RPS6KA2: variants seen among roughly 807,000 people sequenced by gnomAD.
The protein encoded by RPS6KA2 is ribosomal protein S6 kinase A2.
Under a neutral mutation model 91.8 loss-of-function variants are expected in RPS6KA2, and 42 were observed. That is an observed-to-expected ratio of 0.46 (90% CI 0.36 to 0.59). The LOEUF (loss-of-function observed/expected upper bound fraction) is 0.59, where lower values mean the gene tolerates loss of function less well. Ranked by LOEUF, RPS6KA2 falls within the 20% of genes least tolerant of loss-of-function variation. RPS6KA2 has a pLI of 0.00. For missense variants in RPS6KA2, 798 were observed against 978.5 expected, an observed-to-expected ratio of 0.82 and a Z score of 2.46; for synonymous variants, 414 against 393.6, an observed-to-expected ratio of 1.05 and a Z score of -0.61.
chr6:166,682,415 C>T (rs1011883167), intron 2 of RPS6KA2, among the ~76,000 whole-genome samples: 33 of 152,128 alleles, frequency 2.2e-4, no homozygotes, highest in African/African-American at 7.2e-4. Context: ...CCTACTTCAT[C>T]GGAGCCTAGA....
chr6:166,663,264 AC>A (rs1788210341), intron 2 of RPS6KA2, among the ~76,000 whole-genome samples: 1 of 152,170 alleles, frequency 6.6e-6, no homozygotes, highest in African/African-American at 2.4e-5. Flanking sequence ...GAAAATCTTC[AC>A]TCAGGTCAGC....
chr6:166,723,690 T>C (rs970356131), intron 2 of RPS6KA2, among the ~76,000 whole-genome samples: 10 of 143,352 alleles, frequency 7.0e-5, no homozygotes, highest in Non-Finnish European at 1.3e-4. Context: ...CTTTTTCTTT[T>C]TTTCTTTTCT....
At chr6:166,507,891 C>A (rs1782304345) in intron 5 of RPS6KA2, among the ~76,000 whole-genome samples, 1 of 147,652 alleles carries the variant, frequency 6.8e-6, no homozygotes, top group Non-Finnish European at 1.5e-5. Context: ...CACCCCCCCA[C>A]ACACGCACTC....
At chr6:166,526,076 C>T (rs576928848) in intron 3 of RPS6KA2, among the ~76,000 whole-genome samples, 63 of 151,654 alleles carry the variant, frequency 4.2e-4, no homozygotes, top group South Asian at 8.5e-4. Context: ...GGCCTCCTCT[C>T]CACATAACTC....
chr6:166,516,267 G>A (rs1463254680), intron 3 of RPS6KA2, among the ~76,000 whole-genome samples: 1 of 152,230 alleles, frequency 6.6e-6, no homozygotes, highest in African/African-American at 2.4e-5. Flanking sequence ...GTTTCAGGGA[G>A]TTGATGAAAG....
rs1420868853 is a variant in RPS6KA2 at position 166,500,433 on chromosome 6, GAGA to G, written c.604+451_604+453del. Among the ~76,000 whole-genome samples, 1 of 152,204 alleles carries G rather than the reference GAGA, an allele frequency of 6.6e-6. No homozygotes were observed. Among genetic ancestry groups the G allele is most frequent in the African/African-American group, 2.4e-5 (1 of 41,434 alleles). Reference sequence around the variant, plus strand: ...TGGCCACCACCACGGTCCAGGGAGTGAGAAGGAGGCAGGGACAGCATCAGTGAG... The same window carrying G: ...TGGCCACCACCACGGTCCAGGGAGTGAGGAGGCAGGGACAGCATCAGTGAG... On this transcript the variant is annotated intron_variant, in intron 7 of 20. Transcript: ENST00000265678. The surrounding 1 kb of genome is among the most constrained non-coding windows in gnomAD (Gnocchi z 4.3).
Position 166,646,645 on chromosome 6 carries a change from C to G in RPS6KA2, c.124-107861G>C, listed in dbSNP as rs139104271. Reference sequence around the variant, plus strand: ...GGCCCTTCTGGGCCACGGTGCAGCTCTCAGGGACCTTCTTCGTTTCACCAG... The same window carrying G: ...GGCCCTTCTGGGCCACGGTGCAGCTGTCAGGGACCTTCTTCGTTTCACCAG... On this transcript the variant is annotated intron_variant, in intron 2 of 21. Transcript: ENST00000503859. Among the ~76,000 whole-genome samples, 868 of 152,356 alleles carry G rather than the reference C, an allele frequency of 5.7e-3. 6 individuals carry two copies. Among genetic ancestry groups the G allele is most frequent in the African/African-American group, 0.02 (826 of 41,588 alleles).
intron 2 of RPS6KA2, among the ~76,000 whole-genome samples, chr6:166,742,754 A>G (rs1236071845): frequency 6.6e-6 from 1 of 152,086 alleles, no homozygotes; most frequent in African/African-American, 2.4e-5. Flanking sequence ...CATTTCATTA[A>G]CTCTTAGTTC....
chr6:166,678,925 G>A (rs1788697702), intron 2 of RPS6KA2, among the ~76,000 whole-genome samples: 1 of 152,202 alleles, frequency 6.6e-6, no homozygotes, highest in African/African-American at 2.4e-5. Context: ...TGTGTATTTA[G>A]ATATCTGTTC....
At chr6:166,830,086 T>C (rs1197995238) in intron 2 of RPS6KA2, among the ~76,000 whole-genome samples, 1 of 145,644 alleles carries the variant, frequency 6.9e-6, no homozygotes, top group East Asian at 2.0e-4. Context: ...GATCGCACCA[T>C]TGCACTCCAG....
chr6:166,524,553 C>G (rs963837652), intron 3 of RPS6KA2, among the ~76,000 whole-genome samples: 25 of 152,200 alleles, frequency 1.6e-4, no homozygotes, highest in African/African-American at 5.8e-4. Flanking sequence ...CAGGTGGCAT[C>G]TAACTTCCTC....
intron 2 of RPS6KA2, among the ~76,000 whole-genome samples, chr6:166,756,391 T>C (rs1778012311): frequency 6.6e-6 from 1 of 152,274 alleles, no homozygotes; most frequent in Non-Finnish European, 1.5e-5. Context: ...TCTAGAACAC[T>C]GTATTTCATA....
At chr6:166,807,087 G>C (rs532310675) in intron 2 of RPS6KA2, among the ~76,000 whole-genome samples, 7 of 152,224 alleles carry the variant, frequency 4.6e-5, no homozygotes, top group African/African-American at 1.7e-4. Flanking sequence ...CAGAAAATGA[G>C]AGACAAAACG....
chr6:166,845,869 C>A (rs1395635607), intron 2 of RPS6KA2, among the ~76,000 whole-genome samples: 5 of 151,622 alleles, frequency 3.3e-5, no homozygotes, highest in Admixed American at 2.0e-4. Context: ...TCAGAGCAGA[C>A]CTAAATGAAA....
At chr6:166,844,265 T>C (rs1379972416) in intron 2 of RPS6KA2, among the ~76,000 whole-genome samples, 1 of 152,130 alleles carries the variant, frequency 6.6e-6, no homozygotes, top group Non-Finnish European at 1.5e-5. Context: ...TCCAAGAAGC[T>C]TGGGATTGTG....
chr6:166,496,056 T>C (rs1368134196), intron 8 of RPS6KA2, among the ~76,000 whole-genome samples: 1 of 152,222 alleles, frequency 6.6e-6, no homozygotes. Flanking sequence ...TTTGCAGTGA[T>C]TAAGACCAGA....
At chr6:166,815,185 A>G (rs138244505) in intron 2 of RPS6KA2, among the ~76,000 whole-genome samples, 54 of 152,360 alleles carry the variant, frequency 3.5e-4, no homozygotes, top group Non-Finnish European at 6.2e-4. Context: ...TTTTGTGGCC[A>G]TGAAACATGA....
chr6:166,596,927 G>T (rs1785552750), intron 1 of RPS6KA2, among the ~76,000 whole-genome samples: 1 of 152,162 alleles, frequency 6.6e-6, no homozygotes, highest in African/African-American at 2.4e-5. Flanking sequence ...CTATGTAGGG[G>T]TGAGGGGGAT....
At chr6:166,722,831 A>G (rs1281133563) in intron 2 of RPS6KA2, among the ~76,000 whole-genome samples, 1 of 152,160 alleles carries the variant, frequency 6.6e-6, no homozygotes, top group Non-Finnish European at 1.5e-5. Context: ...CATGAGCTTC[A>G]ATCGCTGCAT....
Sources: gnomAD v4.1 joint callset for allele counts (sites outside exome capture counted in the v4.1 genomes callset) on GRCh38, gnomAD v4.1.1 for gene constraint, Gnocchi (gnomAD v3.1) non-coding constraint, MANE v1.5 for transcripts, NCBI Gene and HGNC (gene_info 2026-07-23, HGNC 2026-07-21) for gene names.